ODAD2: variants seen among roughly 807,000 people sequenced by gnomAD.
ODAD2 encodes the protein outer dynein arm-docking complex subunit 2.
ODAD2 carries 89 observed loss-of-function variants against 106.8 expected under a neutral mutation model. That is an observed-to-expected ratio of 0.83 (90% CI 0.70 to 0.99). The LOEUF (loss-of-function observed/expected upper bound fraction) is 0.99. Among genes scored for constraint, ODAD2 ranks in the 50% least tolerant of loss-of-function variants. The probability of loss-of-function intolerance (pLI) is 0.00; values close to 1 mark genes in which losing one functional copy is unlikely to be tolerated. For synonymous variants in ODAD2, 404 were observed against 436.2 expected (o/e 0.93, Z 0.92); for missense variants, 1,168 against 1,238.5 (o/e 0.94, Z 0.85).
intron 19 of ODAD2, among the ~76,000 whole-genome samples, chr10:27,857,987 G>A (rs1211619856): frequency 1.3e-5 from 2 of 152,124 alleles, no homozygotes; most frequent in Non-Finnish European, 1.5e-5. Context: ...ACATGCATTC[G>A]AAGTCAGAAA....
At chr10:27,932,192 T>G (rs922340057) in intron 16 of ODAD2, among the ~76,000 whole-genome samples, 3 of 152,112 alleles carry the variant, frequency 2.0e-5, no homozygotes, top group Admixed American at 6.6e-5. Context: ...TGCCTCTGCC[T>G]CCCAAAGTAC....
At position 27,961,438 on chromosome 10, in the gene ODAD2, G is replaced by T. The variant is rs575778496; in HGVS notation, c.1386+130C>A. Reference sequence around the variant, plus strand: ...TAAGACCTTGCCCTGCACAAACTTAGATAAAACAACAGGAATGCTTACTAC... The same window carrying T: ...TAAGACCTTGCCCTGCACAAACTTATATAAAACAACAGGAATGCTTACTAC... On this transcript the variant is annotated intron_variant, in intron 10 of 19. Coordinates refer to ENST00000305242, the MANE Select transcript of ODAD2 (RefSeq NM_018076.5). 5.7e-5 allele frequency: 54 copies of T among 947,754 alleles called. No individual in the cohort carries two copies. The Admixed American group carries it at 9.3e-4, about 16-fold the overall frequency. The allele number at this position is 947,754 out of a possible 1,614,324, so 58.7% of individuals were successfully genotyped here.
At chr10:27,840,515 G>T (rs1838231659) in intron 19 of ODAD2, among the ~76,000 whole-genome samples, 1 of 152,162 alleles carries the variant, frequency 6.6e-6, no homozygotes, top group Non-Finnish European at 1.5e-5. Context: ...GTCCACCACT[G>T]ATTGGACAAG....
At chr10:27,867,954 G>GA (rs377335424) in intron 17 of ODAD2, among the ~76,000 whole-genome samples, 2,025 of 127,462 alleles carry the variant, frequency 0.016, 40 homozygotes, top group African/African-American at 0.053. Context: ...GTCTCAAAAA[G>GA]AAAAAAAAAA....
chr10:27,862,135 AGAT>A (rs1840091979), intron 18 of ODAD2, among the ~76,000 whole-genome samples: 1 of 152,236 alleles, frequency 6.6e-6, no homozygotes, highest in Non-Finnish European at 1.5e-5. Flanking sequence ...GTGGCGGTGA[AGAT>A]GATAGTTAAC....
chr10:27,933,165 G>C (rs1455302925), intron 16 of ODAD2, among the ~76,000 whole-genome samples: 1 of 152,134 alleles, frequency 6.6e-6, no homozygotes, highest in Non-Finnish European at 1.5e-5. Context: ...TGGGAGGATT[G>C]CTTGAGCCCA....
chr10:27,821,145 T>C (rs1041525847), intron 19 of ODAD2, among the ~76,000 whole-genome samples: 1 of 152,194 alleles, frequency 6.6e-6, no homozygotes, highest in African/African-American at 2.4e-5. Context: ...GCTCTGTCCA[T>C]TTTACTTAGC....
At chr10:27,980,367 T>A (rs140589545) in intron 7 of ODAD2, among the ~76,000 whole-genome samples, 130 of 152,138 alleles carry the variant, frequency 8.5e-4, no homozygotes, top group African/African-American at 3.1e-3. Flanking sequence ...TGTTTCTGCA[T>A]CAAAGGACAC....
chr10:27,881,685 T>C (rs1051834995), intron 17 of ODAD2, among the ~76,000 whole-genome samples: 1 of 152,122 alleles, frequency 6.6e-6, no homozygotes, highest in Non-Finnish European at 1.5e-5. Context: ...CCTTGACTAT[T>C]ATTAGATAAT....
At chr10:27,918,045 C>A (rs1025513157) in intron 16 of ODAD2, among the ~76,000 whole-genome samples, 2 of 151,588 alleles carry the variant, frequency 1.3e-5, no homozygotes, top group Non-Finnish European at 2.9e-5. Context: ...AAAAAGGAAT[C>A]CTTTTCATAA....
chr10:27,914,681 TG>T (rs1844238734), intron 16 of ODAD2, among the ~76,000 whole-genome samples: 1 of 147,236 alleles, frequency 6.8e-6, no homozygotes, highest in African/African-American at 2.7e-5. Context: ...TATGTATGTA[TG>T]TGTGTGTATA....
In ODAD2 at chr10:27,984,182, A is replaced by C; in HGVS notation, c.682+2T>G. On this transcript the variant is annotated splice_donor_variant, in intron 5 of 19. Transcript: ENST00000305242. LOFTEE classifies it high-confidence loss of function. The stretch of plus-strand genomic sequence containing the variant: ...TAAAATGAGCCTGAGAAAACATCAA[A>C]CCTGAGGTATATTCAATAGATTCCA... 6.2e-7 allele frequency: 1 copy of C among 1,605,120 alleles called. No homozygotes were observed. Among genetic ancestry groups the C allele is most frequent in the Non-Finnish European group, 8.5e-7 (1 of 1,172,832 alleles).
At chr10:27,867,847 G>T (rs1638967515) in intron 17 of ODAD2, among the ~76,000 whole-genome samples, 1 of 151,920 alleles carries the variant, frequency 6.6e-6, no homozygotes, top group African/African-American at 2.4e-5. Context: ...TATTTGGGAG[G>T]CTGAGGCATG....
intron 10 of ODAD2, among the ~76,000 whole-genome samples, chr10:27,952,868 T>TA (rs1847457791): frequency 6.6e-6 from 1 of 152,194 alleles, no homozygotes; most frequent in Non-Finnish European, 1.5e-5. Context: ...AACTTTTTTT[T>TA]ACATAAACCA....
At chr10:27,864,578 A>AGTGAGGTGAGAG (rs1163719817) in intron 17 of ODAD2, among the ~76,000 whole-genome samples, 222 of 76,184 alleles carry the variant, frequency 2.9e-3, no homozygotes, top group Non-Finnish European at 4.5e-3. Flanking sequence ...TGAGGTGAGA[A>AGTGAGGTGAGAG]TGGGGAGTGA....
At chr10:27,816,358 G>A (rs1230695340) in intron 19 of ODAD2, among the ~76,000 whole-genome samples, 1 of 152,218 alleles carries the variant, frequency 6.6e-6, no homozygotes, top group Non-Finnish European at 1.5e-5. Context: ...TTCTGTATGA[G>A]GGAAACAGGG....
intron 2 of ODAD2, among the ~76,000 whole-genome samples, chr10:27,992,606 A>G (rs1323369458): frequency 6.6e-6 from 1 of 152,156 alleles, no homozygotes; most frequent in Non-Finnish European, 1.5e-5. Context: ...GGGAGGATCC[A>G]TGGAGCCCAG....
chr10:27,911,383 T>TA (rs1274163668), intron 16 of ODAD2, among the ~76,000 whole-genome samples: 12 of 152,192 alleles, frequency 7.9e-5, no homozygotes, highest in Non-Finnish European at 1.0e-4. Context: ...ATTTGGGGGT[T>TA]ATAAATAAAG....
intron 17 of ODAD2, among the ~76,000 whole-genome samples, chr10:27,867,096 A>G (rs1352713916): frequency 1.3e-5 from 2 of 152,112 alleles, no homozygotes; most frequent in African/African-American, 4.8e-5. Context: ...AAAAAACACA[A>G]TGGACAATAT....
Sources: gnomAD v4.1 joint callset for allele counts (sites outside exome capture counted in the v4.1 genomes callset) on GRCh38, gnomAD v4.1.1 for gene constraint, MANE v1.5 for transcripts, NCBI Gene and HGNC (gene_info 2026-07-23, HGNC 2026-07-21) for gene names.